The following CSNK1G3 variants were observed in gnomAD, a reference collection of about 807,000 sequenced individuals.
CSNK1G3 encodes casein kinase I isoform gamma-3.
A neutral mutation model predicts 64.3 loss-of-function variants in CSNK1G3; 23 were observed. That is an observed-to-expected ratio of 0.36 (90% confidence interval 0.26 to 0.51). The LOEUF (loss-of-function observed/expected upper bound fraction) is 0.51, where lower values mean the gene tolerates loss of function less well. CSNK1G3 is among the 20% of genes least tolerant of loss of function. The pLI is 0.96. For missense variants in CSNK1G3, 357 were observed against 510.5 expected (o/e 0.70, Z 2.90); for synonymous variants, 158 against 162.2 (o/e 0.97, Z 0.20).
chr5:123,520,977 T>C (rs1418329624), intron 1 of CSNK1G3, among the ~76,000 whole-genome samples: 4 of 152,088 alleles, frequency 2.6e-5, no homozygotes, highest in South Asian at 2.1e-4. Flanking sequence ...CAGGCAAATA[T>C]ATTAGGTAAT....
exon 13 of CSNK1G3, chr5:123,616,411 T>C (rs139453721): frequency 1.3e-3 from 191 of 152,730 alleles, no homozygotes; most frequent in African/African-American, 4.0e-3. Flanking sequence ...TTATATGATC[T>C]GAACTCCTTA....
chr5:123,603,758 C>G (rs1794880128), intron 10 of CSNK1G3, among the ~76,000 whole-genome samples: 1 of 151,966 alleles, frequency 6.6e-6, no homozygotes, highest in Non-Finnish European at 1.5e-5. Flanking sequence ...ATAGGTAATG[C>G]CAAGGCCTTT....
At chr5:123,612,156 A>G (rs1199182330) in intron 12 of CSNK1G3, among the ~76,000 whole-genome samples, 1 of 152,132 alleles carries the variant, frequency 6.6e-6, no homozygotes, top group Non-Finnish European at 1.5e-5. Flanking sequence ...ATATATTTCT[A>G]GTTGAATCTT....
chr5:123,592,280 C>T (rs1792513249), intron 10 of CSNK1G3, among the ~76,000 whole-genome samples: 1 of 151,768 alleles, frequency 6.6e-6, no homozygotes, highest in African/African-American at 2.4e-5. Flanking sequence ...TGAGGAATAG[C>T]AAGCGGTTCA....
At chr5:123,562,867 G>A (rs373300569) in intron 4 of CSNK1G3, among the ~76,000 whole-genome samples, 1 of 151,976 alleles carries the variant, frequency 6.6e-6, no homozygotes, top group African/African-American at 2.4e-5. Context: ...CTTGAGAAGG[G>A]TGGGCTTTAA....
chr5:123,526,699 T>C (rs897104508), intron 1 of CSNK1G3, among the ~76,000 whole-genome samples: 1 of 152,230 alleles, frequency 6.6e-6, no homozygotes, highest in Non-Finnish European at 1.5e-5. Context: ...TCTTTCACTT[T>C]GCAGAATGCA....
At chr5:123,521,883 G>T (rs1778167434) in intron 1 of CSNK1G3, among the ~76,000 whole-genome samples, 1 of 152,004 alleles carries the variant, frequency 6.6e-6, no homozygotes, top group African/African-American at 2.4e-5. Context: ...CAGATGTTGG[G>T]ATTCTACCCA....
chr5:123,574,594 G>C (rs1055954789), intron 5 of CSNK1G3, among the ~76,000 whole-genome samples: 1 of 151,988 alleles, frequency 6.6e-6, no homozygotes, highest in Admixed American at 6.6e-5. Flanking sequence ...TCTGAGGCTA[G>C]AGGATCACTT....
chr5:123,560,791 G>T (rs1330780721), intron 4 of CSNK1G3, among the ~76,000 whole-genome samples: 1 of 152,208 alleles, frequency 6.6e-6, no homozygotes, highest in Non-Finnish European at 1.5e-5. Flanking sequence ...AGGTAGAATG[G>T]TGTTTTCTGG....
intron 6 of CSNK1G3, among the ~76,000 whole-genome samples, chr5:123,578,268 T>A (rs1211151684): frequency 6.6e-6 from 1 of 151,910 alleles, no homozygotes; most frequent in Non-Finnish European, 1.5e-5. Context: ...ATACCTTTTT[T>A]TATTTCCATC....
At chr5:123,535,578 A>C (rs1780656937) in intron 1 of CSNK1G3, among the ~76,000 whole-genome samples, 1 of 152,276 alleles carries the variant, frequency 6.6e-6, no homozygotes, top group East Asian at 1.9e-4. Context: ...AAAAAAATAC[A>C]TTATTACAAG....
At chr5:123,595,853 G>T (rs10478582) in intron 10 of CSNK1G3, among the ~76,000 whole-genome samples, 1 of 152,050 alleles carries the variant, frequency 6.6e-6, no homozygotes, top group Admixed American at 6.6e-5. Context: ...AATAGGGAAA[G>T]ATTGCTGAGT....
chr5:123,588,343 C>G, intron 7 of CSNK1G3, 84 bp from the exon 8 acceptor site: 1 of 1,223,768 alleles, frequency 8.2e-7, no homozygotes, highest in Non-Finnish European at 1.2e-6. Flanking sequence ...TTCCAAAGCT[C>G]TGTGATTACA....
chr5:123,616,284 A>G (rs979382472), exon 13 of CSNK1G3: 2 of 152,580 alleles, frequency 1.3e-5, no homozygotes, highest in African/African-American at 4.8e-5. Context: ...CTTTCTTTAC[A>G]GTATTTGACC....
chr5:123,596,719 C>A (rs1357575791), intron 10 of CSNK1G3, among the ~76,000 whole-genome samples: 2 of 152,252 alleles, frequency 1.3e-5, no homozygotes, highest in East Asian at 3.9e-4. Context: ...GAGACTACAT[C>A]TGACTTCATC....
chr5:123,545,133 G>A (rs1782313274), intron 1 of CSNK1G3, among the ~76,000 whole-genome samples: 1 of 151,918 alleles, frequency 6.6e-6, no homozygotes, highest in Admixed American at 6.6e-5. Flanking sequence ...TTTTAAGTTG[G>A]GAGGTTTATA....
intron 11 of CSNK1G3, 58 bp downstream of exon 12, chr5:123,604,888 A>G (rs1442214618): frequency 2.4e-6 from 3 of 1,276,552 alleles, no homozygotes; most frequent in Non-Finnish European, 3.3e-6. Flanking sequence ...TGCATGCTTG[A>G]GATTTATAGT....
chr5:123,525,867 G>A (rs980790972), intron 1 of CSNK1G3, among the ~76,000 whole-genome samples: 17 of 151,542 alleles, frequency 1.1e-4, no homozygotes, highest in East Asian at 2.0e-4. Context: ...GCGTGGTGGC[G>A]GGCGCCTGTA....
exon 13 of CSNK1G3, chr5:123,616,916 G>T (rs1410805271): frequency 1.3e-5 from 2 of 151,952 alleles, no homozygotes; most frequent in Non-Finnish European, 2.9e-5. Context: ...TTTATGTTTT[G>T]TTTTGCTTTC....
Sources: gnomAD v4.1 joint callset for allele counts (sites outside exome capture counted in the v4.1 genomes callset) on GRCh38, gnomAD v4.1.1 for gene constraint, MANE v1.5 for transcripts, NCBI Gene and HGNC (gene_info 2026-07-23, HGNC 2026-07-21) for gene names.